BBX: variants seen among roughly 807,000 people sequenced by gnomAD.
BBX encodes BBX high mobility group box domain containing.
In BBX, 30 loss-of-function variants were observed where a neutral mutation model predicts 100.2. That is an observed-to-expected ratio of 0.30 (90% CI 0.22 to 0.41). BBX has a LOEUF of 0.41. Among genes scored for constraint, BBX ranks in the 10% least tolerant of loss-of-function variants. The probability of loss-of-function intolerance (pLI) is 1.00; values close to 1 mark genes in which losing one functional copy is unlikely to be tolerated. For synonymous variants in BBX, 376 were observed against 388.1 expected, an observed-to-expected ratio of 0.97 and a Z score of 0.37; for missense variants, 1,023 against 1,129.8, an observed-to-expected ratio of 0.91 and a Z score of 1.35.
chr3:107,697,644 C>G (rs2060722749), intron 3 of BBX, among the ~76,000 whole-genome samples: 1 of 151,920 alleles, frequency 6.6e-6, no homozygotes, highest in African/African-American at 2.4e-5. Flanking sequence ...TTACTGCTGT[C>G]TTTTTGTTTG....
intron 2 of BBX, among the ~76,000 whole-genome samples, chr3:107,632,302 C>T (rs1219878939): frequency 1.3e-5 from 2 of 151,832 alleles, no homozygotes; most frequent in Non-Finnish European, 2.9e-5. Flanking sequence ...CCAGGCTGGT[C>T]TCAAACTCTT....
intron 8 of BBX, among the ~76,000 whole-genome samples, chr3:107,745,221 G>C (rs2064476627): frequency 6.6e-6 from 1 of 152,146 alleles, no homozygotes; most frequent in Admixed American, 6.5e-5. Context: ...GGTTCAAAGA[G>C]ATGGTGTATA....
intron 13 of BBX, among the ~76,000 whole-genome samples, chr3:107,787,056 G>C (rs1177130419): frequency 6.6e-6 from 1 of 152,142 alleles, no homozygotes; most frequent in African/African-American, 2.4e-5. Context: ...AATATCATCA[G>C]TCATCAGGGA....
intron 2 of BBX, among the ~76,000 whole-genome samples, chr3:107,580,010 A>G (rs983823365): frequency 6.6e-6 from 1 of 152,008 alleles, no homozygotes. Context: ...TTTTTTCCCT[A>G]CGTAACTTTG....
intron 2 of BBX, among the ~76,000 whole-genome samples, chr3:107,586,781 G>A (rs1275159672): frequency 6.6e-6 from 1 of 150,958 alleles, no homozygotes; most frequent in Non-Finnish European, 1.5e-5. Flanking sequence ...ATGGAGTTTC[G>A]CTCTTTTTGC....
At chr3:107,698,498 A>T (rs1022442593) in intron 3 of BBX, among the ~76,000 whole-genome samples, 25 of 151,488 alleles carry the variant, frequency 1.7e-4, no homozygotes, top group African/African-American at 6.1e-4. Context: ...TAAAAATAAC[A>T]AAAATTAGTC....
At chr3:107,528,009 G>C (rs1235274823) in intron 2 of BBX, among the ~76,000 whole-genome samples, 1 of 152,176 alleles carries the variant, frequency 6.6e-6, no homozygotes, top group Non-Finnish European at 1.5e-5. Context: ...GTAATGTTGA[G>C]AATAAAAGTC....
rs1302439176 is a variant in BBX at position 107,584,617 on chromosome 3, C to G, written c.-84+58219C>G. Among the ~76,000 whole-genome samples the G allele has an allele frequency of 6.2e-5, 8 of 129,436 alleles. No individual in the cohort carries two copies. In the Admixed American group the frequency reaches 6.7e-4, roughly 11 times the overall value. The allele number at this position is 129,436 out of a possible 152,430, so 84.9% of individuals were successfully genotyped here. A position where few individuals can be genotyped will look rare whatever the true frequency, so the allele number is the denominator to read the frequency against. Reference sequence around the variant, plus strand: ...ATTGGATGATGGGTGCAGAATTGATCAAAACTTTATGGGGTGGGGAAGGCT... The same window carrying G: ...ATTGGATGATGGGTGCAGAATTGATGAAAACTTTATGGGGTGGGGAAGGCT... On this transcript the variant is annotated intron_variant, in intron 2 of 17. Transcript: ENST00000325805.
At chr3:107,652,796 T>A (rs1185696012) in intron 3 of BBX, among the ~76,000 whole-genome samples, 1 of 152,212 alleles carries the variant, frequency 6.6e-6, no homozygotes, top group Non-Finnish European at 1.5e-5. Context: ...AGGATCTTCA[T>A]ATATTTTAGT....
At chr3:107,728,230 G>A (rs1342641580) in intron 5 of BBX, among the ~76,000 whole-genome samples, 4 of 152,176 alleles carry the variant, frequency 2.6e-5, no homozygotes, top group Non-Finnish European at 4.4e-5. Flanking sequence ...AGGAATTGAG[G>A]CTGAGAAAGG....
rs1248767267 is a variant in BBX at position 107,716,868 on chromosome 3, G to A, written c.405+19G>A. 6 of 1,608,230 alleles carry A rather than the reference G, an allele frequency of 3.7e-6. No individual in the cohort carries two copies. The highest frequency in any genetic ancestry group is 1.7e-5 in the Admixed American group (1 of 59,718). ...CAAGGAGGTAGGTTACAATGACAAG[G>A]TATTCTGATAGCTAAAAGCAACCAG... On this transcript the variant is annotated intron_variant, in intron 5 of 17. Transcript: ENST00000325805.
chr3:107,606,268 A>T (rs1201894026), intron 2 of BBX, among the ~76,000 whole-genome samples: 2 of 152,190 alleles, frequency 1.3e-5, no homozygotes, highest in Admixed American at 6.5e-5. Flanking sequence ...GCAGTGGGAG[A>T]TTTAATTATG....
chr3:107,638,238 G>A (rs1478963498), intron 2 of BBX, among the ~76,000 whole-genome samples: 1 of 152,138 alleles, frequency 6.6e-6, no homozygotes, highest in East Asian at 1.9e-4. Flanking sequence ...ATTTTGTACA[G>A]GCAGGGTCTT....
chr3:107,617,577 A>G (rs1040097901), intron 2 of BBX, among the ~76,000 whole-genome samples: 1 of 152,126 alleles, frequency 6.6e-6, no homozygotes, highest in African/African-American at 2.4e-5. Flanking sequence ...AGTTTTCAGC[A>G]TATGTATCCT....
rs1249710902 is a variant in BBX, at chr3:107,808,341, AT to A, written c.*2887del. 1 of 152,106 alleles carries A rather than the reference AT, an allele frequency of 6.6e-6. No individual in the cohort carries two copies. The highest frequency in any genetic ancestry group is 1.5e-5 in the Non-Finnish European group (1 of 68,020). The allele number at this position is 152,106 out of a possible 1,614,324, so 9.4% of individuals were successfully genotyped here. On this transcript the variant is annotated 3_prime_UTR_variant, in exon 18 of 18. Coordinates refer to ENST00000325805, the MANE Select transcript of BBX (RefSeq NM_001142568.3). ...TCATATCTTTCTGAAACCATTCTGAATTTAGTTGAAATTATCAATATTTATG... is the reference window on the plus strand; with the variant it reads ...TCATATCTTTCTGAAACCATTCTGAATTAGTTGAAATTATCAATATTTATG...
At chr3:107,685,672 G>A (rs1298353600) in intron 3 of BBX, among the ~76,000 whole-genome samples, 1 of 152,180 alleles carries the variant, frequency 6.6e-6, no homozygotes, top group Non-Finnish European at 1.5e-5. Flanking sequence ...CTGTGTCCTA[G>A]AGCATTTTAA....
chr3:107,546,680 G>GTTAA (rs1216549903), intron 2 of BBX, among the ~76,000 whole-genome samples: 1 of 152,148 alleles, frequency 6.6e-6, no homozygotes, highest in East Asian at 1.9e-4. Flanking sequence ...AAAAATCCAT[G>GTTAA]TTAATCCAAG....
intron 2 of BBX, among the ~76,000 whole-genome samples, chr3:107,588,616 C>T (rs1242902581): frequency 6.6e-6 from 1 of 152,134 alleles, no homozygotes; most frequent in Non-Finnish European, 1.5e-5. Context: ...CTGCTTAACT[C>T]CTGTGTGCCT....
At chr3:107,758,089 T>A (rs145825109) in intron 10 of BBX, among the ~76,000 whole-genome samples, 2 of 152,314 alleles carry the variant, frequency 1.3e-5, no homozygotes, top group East Asian at 1.9e-4. Context: ...ATATTTTGCC[T>A]TTTCTCTGTG....
Sources: allele counts gnomAD v4.1 joint callset (sites outside exome capture counted in the v4.1 genomes callset), GRCh38; gene constraint gnomAD v4.1.1; transcripts MANE v1.5; gene names NCBI Gene and HGNC (gene_info 2026-07-23, HGNC 2026-07-21).